TWF2: variants seen among roughly 807,000 people sequenced by gnomAD.
TWF2 encodes the protein twinfilin actin binding protein 2, also known as twinfilin-2.
TWF2 carries 15 observed loss-of-function variants against 45.1 expected under a neutral mutation model. That is an observed-to-expected ratio of 0.33 (90% confidence interval 0.22 to 0.51). The LOEUF is 0.51. Ranked by LOEUF, TWF2 falls within the 20% of genes least tolerant of loss-of-function variation. TWF2 has a pLI of 0.97. For synonymous variants in TWF2, 177 were observed against 195.8 expected, an observed-to-expected ratio of 0.90 and a Z score of 0.80; for missense variants, 423 against 469.1, an observed-to-expected ratio of 0.90 and a Z score of 0.91.
intron 1 of TWF2, 61 bp from the exon 2 acceptor site, chr3:52,235,167 G>T: frequency 6.5e-7 from 1 of 1,543,700 alleles, no homozygotes; most frequent in Non-Finnish European, 8.9e-7. Context: ...ACGAGTATGG[G>T]GCCTGCTCTG....
chr3:52,234,977 G>A, intron 2 of TWF2, 52 bp downstream of exon 2: 1 of 1,596,742 alleles, frequency 6.3e-7, no homozygotes, highest in Non-Finnish European at 8.5e-7. Flanking sequence ...CACCCACAGA[G>A]GCAGCAGAGT....
Position 52,239,010 on chromosome 3 carries a change from G to C in TWF2, c.7C>G (p.His3Asp). Reference sequence around the variant, plus strand: ...CCCTCACCGTGGATGCCCGTTTGGTGCGCCATGGCTCGGCGCTTCGCTCCG... The same window carrying C: ...CCCTCACCGTGGATGCCCGTTTGGTCCGCCATGGCTCGGCGCTTCGCTCCG... MAHQTGIHATEEL... is the reference protein window; with the variant it reads MADQTGIHATEEL... Residue 3 changes from histidine (H) to aspartate (D), a missense_variant, in exon 1 of 9, where the codon CAC (histidine) becomes GAC (aspartate). His to Asp is a moderately conservative substitution (Grantham distance 81). Transcript: ENST00000305533. The C allele has an allele frequency of 1.3e-6, 2 of 1,595,992 alleles. No individual in the cohort carries two copies.
chr3:52,229,051 T>C lies in TWF2; in HGVS notation c.1033A>G (p.Asn345Asp). Residue 345 changes from asparagine (N) to aspartate (D), a missense_variant, in exon 9 of 9, where the codon AAT becomes GAT. Coordinates refer to ENST00000305533, the MANE Select transcript of TWF2 (RefSeq NM_007284.4). Reference sequence around the variant, plus strand: ...CCAGCCTCCTAGCTGTCATCCCCATTTTCACCCGGGCCGCGGATGAGGCGC... The same window carrying C: ...CCAGCCTCCTAGCTGTCATCCCCATCTTCACCCGGGCCGCGGATGAGGCGC... Reference protein sequence around the residue: ...HKRLIRGPGENGDDS With the variant: ...HKRLIRGPGEDGDDS 1.2e-6 allele frequency: 2 copies of C among 1,611,942 alleles called. No homozygotes were observed. The highest frequency in any genetic ancestry group is 2.2e-5 in the South Asian group (2 of 90,994).
At chr3:52,233,002 AC>A (rs1441094198) in intron 2 of TWF2, among the ~76,000 whole-genome samples, 1 of 152,068 alleles carries the variant, frequency 6.6e-6, no homozygotes, top group Admixed American at 6.6e-5. Context: ...CAAGAGCGAA[AC>A]TCCGTCTCAA....
Position 52,231,553 on chromosome 3 carries a change from G to C in TWF2, c.283-14C>G. The C allele has an allele frequency of 1.2e-6, 2 of 1,609,290 alleles. No individual in the cohort carries two copies. The highest frequency in any genetic ancestry group is 1.7e-6 in the Non-Finnish European group (2 of 1,178,428). ...CTTCAGCCGCACCTGAAGGGCAAGG[G>C]CCAAACCGTAAGAGGCCTCTGGGCA... is the stretch of plus-strand genomic sequence containing the variant. On this transcript the variant is annotated splice_polypyrimidine_tract_variant and intron_variant, in intron 3 of 8. Coordinates refer to ENST00000305533, the MANE Select transcript of TWF2 (RefSeq NM_007284.4).
At chr3:52,238,899 T>A (rs1426307344) in intron 1 of TWF2, 93 bp downstream of exon 1, 1 of 1,333,998 alleles carries the variant, frequency 7.5e-7, no homozygotes, top group East Asian at 3.5e-5. Context: ...TTCTCCCGGC[T>A]GGTGTGGGGT....
At chr3:52,229,354 C>T (rs562768627) in intron 8 of TWF2, among the ~76,000 whole-genome samples, 153 bp from the exon 9 acceptor site, 1 of 152,338 alleles carries the variant, frequency 6.6e-6, no homozygotes, top group South Asian at 2.1e-4. Context: ...GAATGCCACT[C>T]CCAGGAAAGC....
At chr3:52,236,804 C>A (rs890291776) in intron 1 of TWF2, among the ~76,000 whole-genome samples, 2 of 152,088 alleles carry the variant, frequency 1.3e-5, no homozygotes, top group Non-Finnish European at 2.9e-5. Context: ...GAACTGTAGG[C>A]AGGTGGACAC....
rs939701370 is a variant in TWF2, at chr3:52,238,936, G to GA, written c.25+55_25+56insT. On this transcript the variant is annotated intron_variant, in intron 1 of 8. Coordinates refer to ENST00000305533, the MANE Select transcript of TWF2 (RefSeq NM_007284.4). ...GAGGGAGGGGCCGAGAGCCGGGGGG[G>GA]GGCGCTTCCGAGAGCCCAGACCGAG... 14 of 1,565,962 alleles carry GA rather than the reference G, an allele frequency of 8.9e-6. No individual in the cohort carries two copies. The African/African-American group carries it at 9.5e-5, about 11-fold the overall frequency.
At chr3:52,234,411 C>G (rs1699706783) in intron 2 of TWF2, among the ~76,000 whole-genome samples, 1 of 152,182 alleles carries the variant, frequency 6.6e-6, no homozygotes, top group African/African-American at 2.4e-5. Context: ...CCTCCCCAAA[C>G]CCTCCCCACT....
intron 1 of TWF2, among the ~76,000 whole-genome samples, chr3:52,236,674 C>T (rs1443028933): frequency 3.3e-5 from 5 of 152,138 alleles, no homozygotes; most frequent in African/African-American, 1.2e-4. Flanking sequence ...AGGTGCCCCC[C>T]CTTTGCAGAG....
At position 52,229,742 on chromosome 3, in the gene TWF2, C is replaced by T; in HGVS notation, c.801G>A (p.Lys267=). The change falls in exon 8 of 9, where the codon AAG becomes AAA. Residue 267 remains lysine, a synonymous_variant. Transcript: ENST00000305533. ...YSMPGYKCSI[K]ERMLYSSCKS... ...TGCAGCTGGAGTAGAGCATTCGCTC[C>T]TTGATGCTGCACTTGTACCCCGGCA... is the stretch of plus-strand genomic sequence containing the variant. The T allele has an allele frequency of 6.2e-7, 1 of 1,613,216 alleles. No individual in the cohort carries two copies. The highest frequency in any genetic ancestry group is 8.5e-7 in the Non-Finnish European group (1 of 1,179,986).
Position 52,229,007 on chromosome 3 carries a change from A to C in TWF2, c.*27T>G, listed in dbSNP as rs1269403816. On this transcript the variant is annotated 3_prime_UTR_variant, in exon 9 of 9. Coordinates refer to ENST00000305533, the MANE Select transcript of TWF2 (RefSeq NM_007284.4). ...CGGAAGGTGGGCAGCCCCACAGTCCACACGTGGCCGGCCCTGCTCCAGCCT... is the reference window on the plus strand; with the variant it reads ...CGGAAGGTGGGCAGCCCCACAGTCCCCACGTGGCCGGCCCTGCTCCAGCCT... The C allele has an allele frequency of 6.2e-7, 1 of 1,604,576 alleles. No individual in the cohort carries two copies. The highest frequency in any genetic ancestry group is 8.5e-7 in the Non-Finnish European group (1 of 1,176,130).
intron 3 of TWF2, 138 bp downstream of exon 3, chr3:52,231,806 C>A: frequency 7.6e-7 from 1 of 1,311,866 alleles, no homozygotes; most frequent in South Asian, 1.4e-5. Flanking sequence ...TCTCAGACTC[C>A]CTAGGGCACG....
Position 52,230,958 on chromosome 3 carries a change from G to T in TWF2, c.521C>A (p.Thr174Asn). The T allele has an allele frequency of 6.2e-7, 1 of 1,604,240 alleles. No homozygotes were observed. The highest frequency in any genetic ancestry group is 1.1e-5 in the South Asian group (1 of 90,086). The change falls in exon 6 of 9, where the codon ACC (threonine) becomes AAC (asparagine). Residue 174 changes from threonine (T) to asparagine (N), a missense_variant. Coordinates refer to ENST00000305533, the MANE Select transcript of TWF2 (RefSeq NM_007284.4). ...CAGGGGGAAGGCGAGGCCCTGCAGG[G>T]TCTGGTGCTTGCTTTCCACACTGAT... Reference protein sequence around the residue: ...TEISVESKHQTLQGLAFPLQP... With the variant: ...TEISVESKHQNLQGLAFPLQP...
Position 52,231,444 on chromosome 3 carries a change from C to T in TWF2, c.378G>A (p.Lys126=). The change falls in exon 4 of 9, where the codon AAG becomes AAA. Residue 126 remains lysine (K), a splice_region_variant and synonymous_variant. Transcript: ENST00000305533. The stretch of plus-strand genomic sequence containing the variant: ...CCGGTAAGTCCTGGCTTAGGATTAC[C>T]TTCACAGTCCCGAAGAGCTCATCCT... The part of the protein sequence containing the change: ...HIKDELFGTV[K]DDLSFAGYQK... 2 of 1,613,728 alleles carry T rather than the reference C, an allele frequency of 1.2e-6. No individual in the cohort carries two copies. The highest frequency in any genetic ancestry group is 8.5e-7 in the Non-Finnish European group (1 of 1,179,776).
chr3:52,232,640 G>A (rs947829025), intron 2 of TWF2, among the ~76,000 whole-genome samples: 2 of 152,182 alleles, frequency 1.3e-5, no homozygotes, highest in Non-Finnish European at 2.9e-5. Flanking sequence ...AAAGCCTCTG[G>A]AAAGGAGGAG....
intron 6 of TWF2, 108 bp downstream of exon 6, chr3:52,230,762 G>A: frequency 2.0e-6 from 3 of 1,466,786 alleles, no homozygotes; most frequent in Admixed American, 2.2e-5. Context: ...AGCTGAAGGG[G>A]ACAGACTGCA....
intron 2 of TWF2, among the ~76,000 whole-genome samples, chr3:52,233,098 T>TG (rs1284827227): frequency 1.3e-5 from 2 of 152,234 alleles, no homozygotes; most frequent in Non-Finnish European, 2.9e-5. Context: ...TTGGCTGAAA[T>TG]GGGGCATCCA....
Sources: gnomAD v4.1 joint callset for allele counts (sites outside exome capture counted in the v4.1 genomes callset) on GRCh38, gnomAD v4.1.1 for gene constraint, MANE v1.5 for transcripts, NCBI Gene and HGNC (gene_info 2026-07-23, HGNC 2026-07-21) for gene names.